The following GPC6 variants were observed in gnomAD, a reference collection of about 807,000 sequenced individuals.
The protein encoded by GPC6 is glypican-6.
A neutral mutation model predicts 55.2 loss-of-function variants in GPC6; 14 were observed. The ratio of observed to expected loss-of-function variants is 0.25; its 90% CI spans 0.17 to 0.40. The LOEUF (loss-of-function observed/expected upper bound fraction) is 0.40, where lower values mean the gene tolerates loss of function less well. Among genes scored for constraint, GPC6 ranks in the 10% least tolerant of loss-of-function variants. The probability of loss-of-function intolerance (pLI) is 1.00; values close to 1 mark genes in which losing one functional copy is unlikely to be tolerated. For missense variants in GPC6, 641 were observed against 708.5 expected (o/e 0.90, Z 1.08); for synonymous variants, 278 against 259.6 (o/e 1.07, Z -0.68).
intron 3 of GPC6, among the ~76,000 whole-genome samples, chr13:93,861,713 A>G (rs930862555): frequency 6.6e-6 from 1 of 151,664 alleles, no homozygotes; most frequent in Admixed American, 6.6e-5. Context: ...GTATATGAGC[A>G]CAAAGTAGAG....
chr13:93,735,391 G>A (rs953563229), intron 2 of GPC6, among the ~76,000 whole-genome samples: 2 of 151,998 alleles, frequency 1.3e-5, no homozygotes, highest in East Asian at 3.9e-4. Context: ...AACTTAGCTG[G>A]GCATGGTGGC....
chr13:93,295,717 G>C (rs1309749010), intron 1 of GPC6, among the ~76,000 whole-genome samples: 1 of 151,832 alleles, frequency 6.6e-6, no homozygotes, highest in African/African-American at 2.4e-5. Flanking sequence ...TCCTGACCTT[G>C]TGATCCGCCC....
At chr13:94,205,556 A>T (rs902655672) in intron 4 of GPC6, among the ~76,000 whole-genome samples, 2 of 152,204 alleles carry the variant, frequency 1.3e-5, no homozygotes, top group Non-Finnish European at 2.9e-5. Flanking sequence ...TCTCCTCACC[A>T]AAGCACAACT....
chr13:93,879,757 T>G (rs191034537), intron 3 of GPC6, among the ~76,000 whole-genome samples: 1,673 of 152,084 alleles, frequency 0.011, 22 homozygotes, highest in African/African-American at 0.038. Context: ...CAAAAGAAAC[T>G]ACCATCAGAG....
intron 6 of GPC6, among the ~76,000 whole-genome samples, chr13:94,325,935 G>C (rs1053395970): frequency 6.6e-6 from 1 of 152,170 alleles, no homozygotes; most frequent in East Asian, 1.9e-4. Flanking sequence ...ACGCTCCTTC[G>C]TGGTGGTCAC....
intron 1 of GPC6, among the ~76,000 whole-genome samples, chr13:93,463,125 C>T (rs1011020242): frequency 9.9e-5 from 15 of 152,132 alleles, no homozygotes; most frequent in African/African-American, 3.4e-4. Flanking sequence ...GTAAATCCCT[C>T]CAGCCATCTC....
chr13:93,925,918 C>T (rs941733539), intron 3 of GPC6, among the ~76,000 whole-genome samples: 1 of 152,164 alleles, frequency 6.6e-6, no homozygotes, highest in African/African-American at 2.4e-5. Context: ...TTTGTCCTCT[C>T]GGCTGTGATG....
At chr13:93,301,415 A>G (rs906300888) in intron 1 of GPC6, among the ~76,000 whole-genome samples, 2 of 152,204 alleles carry the variant, frequency 1.3e-5, no homozygotes, top group Non-Finnish European at 2.9e-5. Flanking sequence ...AAGAGAGACT[A>G]TTTCAGAGAA....
intron 2 of GPC6, among the ~76,000 whole-genome samples, chr13:93,625,812 G>A (rs1879177150): frequency 6.6e-6 from 1 of 152,172 alleles, no homozygotes; most frequent in Admixed American, 6.5e-5. Context: ...ACTCTTTGGA[G>A]GAGTTAGTAT....
intron 2 of GPC6, among the ~76,000 whole-genome samples, chr13:93,808,480 T>C (rs902433458): frequency 5.3e-5 from 8 of 152,236 alleles, no homozygotes; most frequent in African/African-American, 1.2e-4. Context: ...AGGTCTTCTA[T>C]CCTCAACATT....
Position 94,373,505 on chromosome 13 carries a change from G to A in GPC6, c.1153-8909G>A, listed in dbSNP as rs1013047773. ...TGAATTAAATGAAGCGAGAACGGAAGTTTAGAGAAAAAAGAATAAAAAGAA... is the reference window on the plus strand; with the variant it reads ...TGAATTAAATGAAGCGAGAACGGAAATTTAGAGAAAAAAGAATAAAAAGAA... On this transcript the variant is annotated intron_variant, in intron 6 of 8. Coordinates refer to ENST00000377047, the MANE Select transcript of GPC6 (RefSeq NM_005708.5). 3.9e-5 allele frequency among the ~76,000 whole-genome samples: 6 copies of A among 152,260 alleles called. No homozygotes were observed. The East Asian group carries it at 5.8e-4, about 15-fold the overall frequency.
At chr13:93,752,387 A>G (rs1298723324) in intron 2 of GPC6, among the ~76,000 whole-genome samples, 3 of 152,000 alleles carry the variant, frequency 2.0e-5, no homozygotes, top group African/African-American at 7.3e-5. Context: ...ATGTCAGGCA[A>G]ATGCTATGCT....
In GPC6 at chr13:94,254,021, TG is replaced by T. The variant is rs1247818073; in HGVS notation, c.878-32327del. Reference sequence around the variant, plus strand: ...CATCTTTAGCACCATGAGCCATGAGTGCTGTTTCCTTCCCAACCATGACACA... The same window carrying T: ...CATCTTTAGCACCATGAGCCATGAGTCTGTTTCCTTCCCAACCATGACACA... On this transcript the variant is annotated intron_variant, in intron 4 of 8. Transcript: ENST00000377047. Among the ~76,000 whole-genome samples, 8 of 152,272 alleles carry T rather than the reference TG, an allele frequency of 5.3e-5. No individual in the cohort carries two copies. The South Asian group carries it at 1.4e-3, about 28-fold the overall frequency.
At chr13:93,260,593 C>T (rs1594057796) in intron 1 of GPC6, among the ~76,000 whole-genome samples, 1 of 152,098 alleles carries the variant, frequency 6.6e-6, no homozygotes. Context: ...TGATCAGTAC[C>T]TAGAACATTG....
At chr13:94,092,198 T>C (rs1285307666) in intron 4 of GPC6, among the ~76,000 whole-genome samples, 1 of 151,718 alleles carries the variant, frequency 6.6e-6, no homozygotes, top group Non-Finnish European at 1.5e-5. Context: ...TACGATAGAT[T>C]ATTAACTATA....
intron 4 of GPC6, among the ~76,000 whole-genome samples, chr13:94,106,871 A>C (rs896390010): frequency 6.6e-6 from 1 of 152,164 alleles, no homozygotes; most frequent in African/African-American, 2.4e-5. Flanking sequence ...GATGACTGAA[A>C]GTTTTATGGA....
intron 4 of GPC6, among the ~76,000 whole-genome samples, chr13:94,088,337 A>G (rs1241684198): frequency 6.6e-6 from 1 of 152,132 alleles, no homozygotes; most frequent in African/African-American, 2.4e-5. Flanking sequence ...TTATTCTTGC[A>G]TAGTCTTTGC....
At chr13:94,261,955 A>T (rs1363301725) in intron 4 of GPC6, among the ~76,000 whole-genome samples, 1 of 152,220 alleles carries the variant, frequency 6.6e-6, no homozygotes, top group Middle Eastern at 3.2e-3. Flanking sequence ...TTGTTTTTAA[A>T]TTGAAGATAT....
chr13:94,102,586 A>G (rs1329377434), intron 4 of GPC6, among the ~76,000 whole-genome samples: 2 of 151,646 alleles, frequency 1.3e-5, no homozygotes, highest in African/African-American at 2.4e-5. Flanking sequence ...TGCATTATGC[A>G]TCCTCAGTAA....
Sources: allele counts gnomAD v4.1 joint callset (sites outside exome capture counted in the v4.1 genomes callset), GRCh38; gene constraint gnomAD v4.1.1; transcripts MANE v1.5; gene names NCBI Gene and HGNC (gene_info 2026-07-23, HGNC 2026-07-21).